Variants in HMGA2 observed in about 807,000 individuals in gnomAD.
The protein encoded by HMGA2 is high mobility group AT-hook 2, also known as high mobility group protein HMGI-C.
Under a neutral mutation model 19.1 loss-of-function variants are expected in HMGA2, and 8 were observed. That is an observed-to-expected ratio of 0.42 (90% CI 0.25 to 0.76). The LOEUF (loss-of-function observed/expected upper bound fraction) is 0.76. Ranked by LOEUF, HMGA2 falls within the 30% of genes least tolerant of loss-of-function variation. The pLI is 0.28. For missense variants in HMGA2, 109 were observed against 136.3 expected (o/e 0.80, Z 1.00); for synonymous variants, 60 against 48.8 (o/e 1.23, Z -0.96).
intron 3 of HMGA2, among the ~76,000 whole-genome samples, chr12:65,845,549 G>T (rs757008168): frequency 6.6e-6 from 1 of 151,546 alleles, no homozygotes; most frequent in Non-Finnish European, 1.5e-5. Context: ...GATTACAGGC[G>T]TGAGTCACCA....
At chr12:65,915,893 C>T (rs1875081742) in intron 3 of HMGA2, among the ~76,000 whole-genome samples, 1 of 152,188 alleles carries the variant, frequency 6.6e-6, no homozygotes, top group African/African-American at 2.4e-5. Context: ...TCCCCCTCTT[C>T]TCTACCACGC....
At chr12:65,907,193 G>A (rs1044522430) in intron 3 of HMGA2, among the ~76,000 whole-genome samples, 2 of 151,930 alleles carry the variant, frequency 1.3e-5, no homozygotes. Flanking sequence ...TCAGGAGTTC[G>A]AGACCAGCCT....
intron 3 of HMGA2, among the ~76,000 whole-genome samples, chr12:65,889,631 G>T (rs1792192854): frequency 6.6e-6 from 1 of 152,182 alleles, no homozygotes; most frequent in African/African-American, 2.4e-5. Flanking sequence ...AGGTATGTAG[G>T]TGAGGAGTTG....
intron 3 of HMGA2, among the ~76,000 whole-genome samples, chr12:65,910,348 A>C (rs1445893448): frequency 6.6e-6 from 1 of 152,228 alleles, no homozygotes; most frequent in Non-Finnish European, 1.5e-5. Context: ...CAATAATCCA[A>C]GTATTCTCTC....
At chr12:65,830,933 C>A (rs944055490) in intron 2 of HMGA2, 41 of 151,828 alleles carry the variant, frequency 2.7e-4, no homozygotes, top group African/African-American at 8.9e-4. Flanking sequence ...AATTACTATG[C>A]ATGACCATTG....
At chr12:65,843,999 G>A (rs1871127040) in intron 3 of HMGA2, among the ~76,000 whole-genome samples, 1 of 148,876 alleles carries the variant, frequency 6.7e-6, no homozygotes, top group Non-Finnish European at 1.5e-5. Flanking sequence ...CAGTGAGCTT[G>A]GTGATCATGC....
At chr12:65,828,547 C>CT (rs1870332428) in intron 2 of HMGA2, 1 of 180,956 alleles carries the variant, frequency 5.5e-6, no homozygotes, top group Non-Finnish European at 1.2e-5. Context: ...CCAAATCCCC[C>CT]TATTAAAGTA....
At chr12:65,865,415 C>T (rs1185028623) in intron 3 of HMGA2, among the ~76,000 whole-genome samples, 1 of 151,962 alleles carries the variant, frequency 6.6e-6, no homozygotes, top group Non-Finnish European at 1.5e-5. Flanking sequence ...AATGAAAGTA[C>T]TTAGTAATAA....
chr12:65,903,346 G>A (rs1356495573), intron 3 of HMGA2, among the ~76,000 whole-genome samples: 2 of 152,070 alleles, frequency 1.3e-5, no homozygotes, highest in African/African-American at 4.8e-5. Context: ...GAAAATAAAG[G>A]GACATGTAGG....
intron 3 of HMGA2, among the ~76,000 whole-genome samples, chr12:65,883,090 C>A (rs555113074): frequency 4.6e-5 from 7 of 152,344 alleles, no homozygotes; most frequent in African/African-American, 1.7e-4. Context: ...GCGTCTGAAC[C>A]TTCCCAACAG....
Position 65,903,435 on chromosome 12 carries a change from A to T in HMGA2, c.250-47948A>T, listed in dbSNP as rs187146633. Among the ~76,000 whole-genome samples the T allele has an allele frequency of 2.1e-4, 32 of 152,352 alleles. No individual in the cohort carries two copies. In the East Asian group the frequency reaches 5.0e-3, roughly 24 times the overall value. On this transcript the variant is annotated intron_variant, in intron 3 of 4. Transcript: ENST00000403681. ...CTATTAGGAAACTTTGGAGAAATGC[A>T]TAGGCTCACAGTAAAAGGATCTGAG...
chr12:65,838,700 A>G, intron 3 of HMGA2, 131 bp downstream of exon 3: 1 of 701,726 alleles, frequency 1.4e-6, no homozygotes. Context: ...GAAAGGGTTA[A>G]GTCAAGAGAC....
intron 3 of HMGA2, among the ~76,000 whole-genome samples, chr12:65,915,777 G>A (rs1875077252): frequency 6.6e-6 from 1 of 152,056 alleles, no homozygotes; most frequent in Admixed American, 6.5e-5. Context: ...GGACATTTGG[G>A]TATTAACCCA....
intron 3 of HMGA2, among the ~76,000 whole-genome samples, chr12:65,863,295 T>C (rs1355966650): frequency 6.6e-6 from 1 of 152,220 alleles, no homozygotes; most frequent in Non-Finnish European, 1.5e-5. Flanking sequence ...AGGGCACAAG[T>C]GCAAGTCCTG....
chr12:65,876,714 C>G (rs953486102), intron 3 of HMGA2, among the ~76,000 whole-genome samples: 2 of 152,142 alleles, frequency 1.3e-5, no homozygotes, highest in African/African-American at 2.4e-5. Context: ...ATACTTTCAC[C>G]ATTTATAAAC....
chr12:65,867,545 C>A (rs1388658644), intron 3 of HMGA2: 1 of 451,904 alleles, frequency 2.2e-6, no homozygotes, highest in Non-Finnish European at 4.5e-6. Flanking sequence ...AAAACCGTAT[C>A]CTCATGATAC....
chr12:65,923,200 TG>T (rs1274162573), intron 3 of HMGA2, among the ~76,000 whole-genome samples: 1 of 151,964 alleles, frequency 6.6e-6, no homozygotes, highest in East Asian at 1.9e-4. Context: ...TTGGTAAACT[TG>T]GGCCCAATCA....
chr12:65,887,118 G>T (rs1340322888), intron 3 of HMGA2, among the ~76,000 whole-genome samples: 3 of 152,184 alleles, frequency 2.0e-5, no homozygotes, highest in African/African-American at 7.2e-5. Context: ...TTACACAAAC[G>T]CTGACTCCCC....
At chr12:65,962,541 T>C (rs1290064415) in intron 4 of HMGA2, among the ~76,000 whole-genome samples, 1 of 152,186 alleles carries the variant, frequency 6.6e-6, no homozygotes, top group African/African-American at 2.4e-5. Context: ...TGTGCTTTAA[T>C]AAATACAAGG....
Sources: gnomAD v4.1 joint callset for allele counts (sites outside exome capture counted in the v4.1 genomes callset) on GRCh38, gnomAD v4.1.1 for gene constraint, MANE v1.5 for transcripts, NCBI Gene and HGNC (gene_info 2026-07-23, HGNC 2026-07-21) for gene names.